The following CSF2RA variants were observed in gnomAD, a reference collection of about 807,000 sequenced individuals.
The protein encoded by CSF2RA is colony stimulating factor 2 receptor subunit alpha.
Under a neutral mutation model 51.6 loss-of-function variants are expected in CSF2RA, and 42 were observed. The observed-to-expected ratio is 0.81, with a 90% CI of 0.64 to 1.05. The LOEUF (loss-of-function observed/expected upper bound fraction) is 1.05, where lower values mean the gene tolerates loss of function less well. CSF2RA is among the 50% of genes least tolerant of loss of function. The probability of loss-of-function intolerance (pLI) is 0.00; values close to 1 mark genes in which losing one functional copy is unlikely to be tolerated. For missense variants in CSF2RA, 530 were observed against 501.1 expected, an observed-to-expected ratio of 1.06 and a Z score of -0.55; for synonymous variants, 222 against 193.0, an observed-to-expected ratio of 1.15 and a Z score of -1.24.
the CSF2RA span, among the ~76,000 whole-genome samples, chrX:1,317,246 C>CTTTTTTT: frequency 7.8e-4 from 45 of 57,812 alleles, no homozygotes; most frequent in African/African-American, 2.5e-3. Context: ...CCACGCTCAG[C>CTTTTTTT]TTTTTTTTTT....
intron 10 of CSF2RA, among the ~76,000 whole-genome samples, chrX:1,303,671 C>G (rs1296750272): frequency 3.3e-5 from 5 of 152,136 alleles, no homozygotes; most frequent in African/African-American, 1.2e-4. Context: ...CCACCGCATC[C>G]GGCCCATGGT....
intron 9 of CSF2RA, among the ~76,000 whole-genome samples, chrX:1,299,660 G>C (rs776357247): frequency 6.6e-6 from 1 of 152,206 alleles, no homozygotes; most frequent in Non-Finnish European, 1.5e-5. Flanking sequence ...GCTCACGCCT[G>C]TCATCCCAGC....
intron 11 of CSF2RA, 68 bp downstream of exon 11, chrX:1,304,087 A>AGTCTCT (rs1400483868): frequency 7.7e-6 from 10 of 1,299,904 alleles, no homozygotes; most frequent in Non-Finnish European, 8.9e-6. Context: ...CGCTTTGTCC[A>AGTCTCT]GTCTCTGTCT....
At chrX:1,297,644 CT>C in intron 9 of CSF2RA, among the ~76,000 whole-genome samples, 1 of 57,530 alleles carries the variant, frequency 1.7e-5, no homozygotes, top group Non-Finnish European at 3.5e-5. Context: ...CAGTCTCCTA[CT>C]CATGACCCCT....
rs143234816 is a variant in CSF2RA, at chrX:1,301,651, C to T, written c.946+1025C>T. On this transcript the variant is annotated intron_variant, in intron 10 of 12. Transcript: ENST00000381529. Reference sequence around the variant, plus strand: ...TTCGCTCTTGTCGCAGGCTGGAGTCCAGTGGCGCAATCTCGGCTCACTGCA... The same window carrying T: ...TTCGCTCTTGTCGCAGGCTGGAGTCTAGTGGCGCAATCTCGGCTCACTGCA... Among the ~76,000 whole-genome samples, 25 of 143,882 alleles carry T rather than the reference C, an allele frequency of 1.7e-4. No homozygotes were observed. The East Asian group carries it at 5.2e-3, about 30-fold the overall frequency. The allele number at this position is 143,882 out of a possible 152,430, so 94.4% of individuals were successfully genotyped here.
chrX:1,306,037 G>T, intron 12 of CSF2RA: 1 of 462,724 alleles, frequency 2.2e-6, no homozygotes, highest in Non-Finnish European at 4.0e-6. Context: ...AGCCGAGATC[G>T]CACCACTGCA....
chrX:1,323,160 T>TAAAATAAAATAAAATAAAATAAAATAA, the CSF2RA span, among the ~76,000 whole-genome samples: 2 of 130,082 alleles, frequency 1.5e-5, no homozygotes, highest in Non-Finnish European at 3.0e-5. Context: ...ATTACAATTA[T>TAAAATAAAATAAAATAAAATAAAATAA]AAAATAAAAT....
At chrX:1,314,805 G>A (rs1444353776), downstream of CSF2RA, among the ~76,000 whole-genome samples, 1 of 72,632 alleles carries the variant, frequency 1.4e-5, no homozygotes, top group Non-Finnish European at 2.9e-5. Flanking sequence ...CACTGCACCT[G>A]CCCAACCCCA....
the CSF2RA span, among the ~76,000 whole-genome samples, chrX:1,324,501 G>C: frequency 8.3e-6 from 1 of 120,028 alleles, no homozygotes; most frequent in Non-Finnish European, 1.7e-5. Context: ...GGGAGGGGAG[G>C]GAAGGAGGAG....
At chrX:1,286,546 G>A (rs1376442559) in intron 4 of CSF2RA, among the ~76,000 whole-genome samples, 1 of 150,314 alleles carries the variant, frequency 6.7e-6, no homozygotes, top group East Asian at 1.9e-4. Flanking sequence ...TCCAGCCTGG[G>A]CAACAAGAGC....
chrX:1,280,946 GCTTCTCCTCCTCCTCCTTCTCC>G (rs2089894621), intron 2 of CSF2RA, among the ~76,000 whole-genome samples: 1 of 10,922 alleles, frequency 9.2e-5, no homozygotes, highest in African/African-American at 3.7e-4. Context: ...TCCTCCTCCT[GCTTCTCCTCCTCCTCCTTCTCC>G]TCCTCCTGCT....
chrX:1,268,874 G>A lies in CSF2RA; in HGVS notation c.-96G>A, dbSNP rs1216113147. ...GGTGGAAGGAGAGGAAGCGGATGCCGTGGGGGTAAGCTAAGTTCTTTCCTT... is the reference window on the plus strand; with the variant it reads ...GGTGGAAGGAGAGGAAGCGGATGCCATGGGGGTAAGCTAAGTTCTTTCCTT... On this transcript the variant is annotated 5_prime_UTR_variant, in exon 1 of 13. In the 5' UTR this introduces an upstream ATG that the reference lacks. Transcript: ENST00000381529. 1.3e-5 allele frequency: 6 copies of A among 453,948 alleles called. No homozygotes were observed. Among genetic ancestry groups the A allele is most frequent in the African/African-American group, 1.0e-4 (5 of 49,970 alleles). 28.1% of individuals were successfully genotyped at this position (453,948 alleles called of 1,614,324 possible).
chrX:1,304,789 C>G (rs1244475706), intron 11 of CSF2RA, among the ~76,000 whole-genome samples: 1 of 136,160 alleles, frequency 7.3e-6, no homozygotes, highest in African/African-American at 2.7e-5. Flanking sequence ...CTCAGCCTCC[C>G]GAGTAGCTGG....
the CSF2RA span, among the ~76,000 whole-genome samples, chrX:1,321,076 A>T: frequency 2.0e-3 from 296 of 151,186 alleles, 1 homozygote; most frequent in South Asian, 4.2e-3. Context: ...ACTCCTGACC[A>T]CAGGTGACCC....
At chrX:1,311,436 T>G (rs1180063050), downstream of CSF2RA, among the ~76,000 whole-genome samples, 1 of 101,134 alleles carries the variant, frequency 9.9e-6, no homozygotes, top group Non-Finnish European at 1.7e-5. Context: ...CAAATAAACC[T>G]GTTTGTTTTT....
chrX:1,282,428 A>G (rs1333513947), intron 2 of CSF2RA: 1 of 586,476 alleles, frequency 1.7e-6, no homozygotes, highest in East Asian at 2.9e-5. Context: ...GCCATGACCC[A>G]TGAACCATGG....
At chrX:1,316,303 TAGACAGAC>T in the CSF2RA span, among the ~76,000 whole-genome samples, 35 of 138,550 alleles carry the variant, frequency 2.5e-4, no homozygotes, top group East Asian at 2.9e-3. Context: ...GATAGATAGA[TAGACAGAC>T]AGACAGACAG....
Position 1,305,372 on chromosome X carries a change from G to A in CSF2RA, c.1044-74G>A, listed in dbSNP as rs28368841. 8,649 of 1,535,456 alleles carry A rather than the reference G, an allele frequency of 5.6e-3. 420 individuals are homozygous for A. The African/African-American group carries it at 0.1, about 18-fold the overall frequency. ...AGACACCCCGCACGCAGCATCCCTC[G>A]GCACAGGGCGTTGATGGAAGGAACT... On this transcript the variant is annotated intron_variant, in intron 11 of 12. Transcript: ENST00000381529.
intron 5 of CSF2RA, 30 bp from the exon 6 acceptor site, chrX:1,288,729 G>GA (rs1166449790): frequency 1.2e-6 from 2 of 1,613,866 alleles, no homozygotes; most frequent in Non-Finnish European, 1.7e-6. Context: ...ACTTCGGAGT[G>GA]AAAATTATTT....
Sources: gnomAD v4.1 joint callset for allele counts (sites outside exome capture counted in the v4.1 genomes callset) on GRCh38, gnomAD v4.1.1 for gene constraint, MANE v1.5 for transcripts, NCBI Gene and HGNC (gene_info 2026-07-23, HGNC 2026-07-21) for gene names.